MICAL3: variants seen among roughly 807,000 people sequenced by gnomAD.
The protein encoded by MICAL3 is [F-actin]-monooxygenase MICAL3.
Under a neutral mutation model 207.4 loss-of-function variants are expected in MICAL3, and 62 were observed. The observed-to-expected ratio is 0.30, with a 90% confidence interval of 0.24 to 0.37. The LOEUF (loss-of-function observed/expected upper bound fraction) is 0.37, where lower values mean the gene tolerates loss of function less well. Among genes scored for constraint, MICAL3 ranks in the 10% least tolerant of loss-of-function variants. MICAL3 has a pLI of 1.00. For missense variants in MICAL3, 2,368 were observed against 2,635.6 expected (o/e 0.90, Z 2.22); for synonymous variants, 1,077 against 1,069.3 (o/e 1.01, Z -0.14).
At chr22:17,968,816 G>A (rs9604814) in intron 1 of MICAL3, among the ~76,000 whole-genome samples, 8,954 of 152,138 alleles carry the variant, frequency 0.059, 526 homozygotes, top group African/African-American at 0.15. Flanking sequence ...TTAGCATGGG[G>A]CGACAAACTT....
At chr22:17,953,585 A>T (rs1934454099) in intron 1 of MICAL3, among the ~76,000 whole-genome samples, 1 of 152,134 alleles carries the variant, frequency 6.6e-6, no homozygotes, top group South Asian at 2.1e-4. Flanking sequence ...GGCGGGGGAC[A>T]TCAATACCCC....
At chr22:17,833,535 G>A (rs752465135) in intron 20 of MICAL3, among the ~76,000 whole-genome samples, 27 of 152,234 alleles carry the variant, frequency 1.8e-4, no homozygotes, top group Non-Finnish European at 2.4e-4. Context: ...CTGCCAGGGC[G>A]ATCACTGCCA....
At chr22:17,887,936 G>A (rs1453410377) in intron 13 of MICAL3, among the ~76,000 whole-genome samples, 1 of 152,178 alleles carries the variant, frequency 6.6e-6, no homozygotes, top group African/African-American at 2.4e-5. Flanking sequence ...GCTTTCTGTT[G>A]TAAGAACGTC....
At position 17,860,984 on chromosome 22, in the gene MICAL3, T is replaced by C. The variant is rs1042092702; in HGVS notation, c.2605+3915A>G. 5.1e-6 allele frequency: 5 copies of C among 984,146 alleles called. No homozygotes were observed. In the Admixed American group the frequency reaches 2.5e-4, roughly 48 times the overall value. The allele number at this position is 984,146 out of a possible 1,614,324, so 61.0% of individuals were successfully genotyped here. ...ATCTACCCATATATGTGCAATTAGATCTATATACATACAAACGTGTACCTA... is the reference window on the plus strand; with the variant it reads ...ATCTACCCATATATGTGCAATTAGACCTATATACATACAAACGTGTACCTA... On this transcript the variant is annotated intron_variant, in intron 19 of 31. Coordinates refer to ENST00000441493, the MANE Select transcript of MICAL3 (RefSeq NM_015241.3).
intron 1 of MICAL3, chr22:18,001,005 A>C (rs1922924919): frequency 7.9e-6 from 1 of 126,788 alleles, no homozygotes; most frequent in African/African-American, 3.0e-5. Context: ...CTAAGCCCCC[A>C]CCCTCCGCCT....
intron 1 of MICAL3, among the ~76,000 whole-genome samples, chr22:17,952,671 C>T (rs1018644063): frequency 2.6e-5 from 4 of 152,178 alleles, no homozygotes; most frequent in Admixed American, 6.5e-5. Flanking sequence ...GCTGCCAAGG[C>T]AGGGGGTGGA....
chr22:17,807,801 C>T (rs1350796922), intron 29 of MICAL3, among the ~76,000 whole-genome samples: 2 of 152,230 alleles, frequency 1.3e-5, no homozygotes, highest in African/African-American at 2.4e-5. Context: ...CTCCTGGCCG[C>T]CTCCTCCCAG....
At chr22:17,877,376 G>GGGAGGTT (rs1928825210) in intron 16 of MICAL3, among the ~76,000 whole-genome samples, 1 of 29,550 alleles carries the variant, frequency 3.4e-5, no homozygotes, top group Non-Finnish European at 6.2e-5. Flanking sequence ...TTAGGGAGGT[G>GGGAGGTT]AGGGAGGTTA....
intron 1 of MICAL3, among the ~76,000 whole-genome samples, chr22:17,936,762 A>G (rs141208022): frequency 1.3e-5 from 2 of 152,330 alleles, no homozygotes; most frequent in African/African-American, 4.8e-5. Context: ...TATTGTAAAA[A>G]GAAATTACCA....
chr22:18,016,764 C>A (rs1232633729), intron 1 of MICAL3, among the ~76,000 whole-genome samples: 1 of 152,014 alleles, frequency 6.6e-6, no homozygotes, highest in Non-Finnish European at 1.5e-5. Flanking sequence ...CACAGTGAAA[C>A]CCCGTCTCTA....
chr22:17,976,736 C>T (rs1272673254), intron 1 of MICAL3, among the ~76,000 whole-genome samples: 4 of 149,594 alleles, frequency 2.7e-5, no homozygotes, highest in African/African-American at 9.8e-5. Flanking sequence ...AAAGCTATAA[C>T]AGTCACCAAA....
At chr22:17,920,885 T>C (rs968559587) in intron 1 of MICAL3, among the ~76,000 whole-genome samples, 3 of 151,974 alleles carry the variant, frequency 2.0e-5, no homozygotes, top group African/African-American at 4.8e-5. Flanking sequence ...AGATTCCCAG[T>C]GTGAAAGGAA....
At chr22:17,805,839 C>T (rs143824336) in intron 29 of MICAL3, among the ~76,000 whole-genome samples, 8,367 of 152,288 alleles carry the variant, frequency 0.055, 420 homozygotes, top group East Asian at 0.17. Flanking sequence ...AGCGATTCTC[C>T]TGCCTCAGCC....
At chr22:17,998,233 G>A (rs1355822500) in intron 1 of MICAL3, among the ~76,000 whole-genome samples, 4 of 143,406 alleles carry the variant, frequency 2.8e-5, no homozygotes, top group East Asian at 1.9e-4. Context: ...GAACCCAGGA[G>A]GCAGAGTGCA....
intron 16 of MICAL3, among the ~76,000 whole-genome samples, chr22:17,880,817 C>T (rs1486401213): frequency 2.0e-5 from 3 of 152,190 alleles, no homozygotes; most frequent in African/African-American, 7.2e-5. Context: ...AGAAGCCCTG[C>T]GGCAGTGCCC....
chr22:17,875,705 T>G (rs548313481), intron 16 of MICAL3, among the ~76,000 whole-genome samples: 75 of 97,262 alleles, frequency 7.7e-4, no homozygotes, highest in Middle Eastern at 5.9e-3. Context: ...AAAAAAAAAG[T>G]AGCTCCAGAA....
At chr22:17,876,825 GTTA>G (rs1928497995) in intron 16 of MICAL3, 1 of 123,800 alleles carries the variant, frequency 8.1e-6, no homozygotes, top group Non-Finnish European at 1.7e-5. Context: ...GGTTAGGGAG[GTTA>G]TGGAGGTTAG....
chr22:17,799,970 A>ACACACG (rs1368553246), intron 29 of MICAL3, among the ~76,000 whole-genome samples: 1 of 151,902 alleles, frequency 6.6e-6, no homozygotes, highest in Non-Finnish European at 1.5e-5. Context: ...ACACACACAC[A>ACACACG]CACACACACA....
rs1331919652 is a variant in MICAL3, at chr22:18,001,426, G to A, written c.-75+22855C>T. The A allele has an allele frequency of 2.0e-5, 3 of 152,302 alleles. No individual in the cohort carries two copies. In the East Asian group the frequency reaches 5.8e-4, roughly 29 times the overall value. The allele number at this position is 152,302 out of a possible 1,614,324, so 9.4% of individuals were successfully genotyped here. On this transcript the variant is annotated intron_variant, in intron 1 of 31. Transcript: ENST00000441493. The stretch of plus-strand genomic sequence containing the variant: ...CATACTGCGGTGTCCCTCGGCGCCG[G>A]CGTCGCTGTGGCGGGCCAGTGCCGC...
Sources: gnomAD v4.1 joint callset for allele counts (sites outside exome capture counted in the v4.1 genomes callset) on GRCh38, gnomAD v4.1.1 for gene constraint, MANE v1.5 for transcripts, NCBI Gene and HGNC (gene_info 2026-07-23, HGNC 2026-07-21) for gene names.